The following PCCB variants were observed in gnomAD, a reference collection of about 807,000 sequenced individuals.
PCCB encodes the protein propionyl-CoA carboxylase subunit beta.
Under a neutral mutation model 60.7 loss-of-function variants are expected in PCCB, and 43 were observed. The ratio of observed to expected loss-of-function variants is 0.71; its 90% confidence interval spans 0.55 to 0.91. The LOEUF is 0.91. PCCB is among the 40% of genes least tolerant of loss of function. PCCB has a pLI of 0.00. For missense variants in PCCB, 766 were observed against 702.8 expected, an observed-to-expected ratio of 1.09 and a Z score of -1.02; for synonymous variants, 276 against 255.9, an observed-to-expected ratio of 1.08 and a Z score of -0.75.
intron 1 of PCCB, among the ~76,000 whole-genome samples, chr3:136,251,997 C>T (rs1406424765): frequency 5.9e-5 from 9 of 152,110 alleles, no homozygotes; most frequent in Non-Finnish European, 5.9e-5. Flanking sequence ...CCTGCCTCAG[C>T]CTCCCAAGTA....
intron 6 of PCCB, among the ~76,000 whole-genome samples, chr3:136,287,592 A>G (rs1933477030): frequency 6.6e-6 from 1 of 151,814 alleles, no homozygotes; most frequent in Admixed American, 6.6e-5. Flanking sequence ...GCCACCACAC[A>G]CCCGGCTAAT....
intron 10 of PCCB, among the ~76,000 whole-genome samples, chr3:136,321,275 CCACATGCA>C (rs998073392): frequency 2.6e-5 from 4 of 152,174 alleles, no homozygotes; most frequent in Non-Finnish European, 4.4e-5. Flanking sequence ...CCTTCTGCTC[CCACATGCA>C]CACATGCACA....
intron 9 of PCCB, among the ~76,000 whole-genome samples, chr3:136,309,801 C>G (rs1334463506): frequency 1.6e-5 from 2 of 128,380 alleles, no homozygotes; most frequent in African/African-American, 5.7e-5. Flanking sequence ...GACCCTGTCT[C>G]AAAAAAAAAA....
At chr3:136,260,707 TC>T (rs1416609694) in intron 4 of PCCB, among the ~76,000 whole-genome samples, 172 bp downstream of exon 4, 2 of 152,188 alleles carry the variant, frequency 1.3e-5, no homozygotes, top group African/African-American at 2.4e-5. Context: ...ATGGATCTCT[TC>T]CATGGGCTGG....
At chr3:136,324,349 T>C (rs1445709995) in intron 10 of PCCB, among the ~76,000 whole-genome samples, 1 of 152,220 alleles carries the variant, frequency 6.6e-6, no homozygotes, top group Non-Finnish European at 1.5e-5. Flanking sequence ...TGTCTCTGTG[T>C]TGGGGCTCTC....
At chr3:136,274,016 A>C (rs923487159) in intron 5 of PCCB, among the ~76,000 whole-genome samples, 2 of 151,108 alleles carry the variant, frequency 1.3e-5, no homozygotes. Context: ...GGTTATATGA[A>C]TCCTTATGTG....
At chr3:136,316,856 G>T in intron 9 of PCCB, 85 bp from the exon 10 acceptor site, 1 of 1,491,346 alleles carries the variant, frequency 6.7e-7, no homozygotes, top group Non-Finnish European at 9.4e-7. Flanking sequence ...CTGTAATTCT[G>T]TAATAGAAAT....
intron 5 of PCCB, among the ~76,000 whole-genome samples, chr3:136,274,667 T>C (rs1273214602): frequency 6.6e-6 from 1 of 152,212 alleles, no homozygotes; most frequent in Non-Finnish European, 1.5e-5. Context: ...GATATTGAAA[T>C]CTCAGGCAAG....
intron 2 of PCCB, 69 bp from the exon 3 acceptor site, chr3:136,256,486 C>A: frequency 9.1e-7 from 1 of 1,094,850 alleles, no homozygotes; most frequent in Non-Finnish European, 1.4e-6. Flanking sequence ...TTCATTGAGG[C>A]ATAGTGGCCA....
At position 136,329,929 on chromosome 3, in the gene PCCB, C is replaced by CT; in HGVS notation, c.1525dup (p.Ser509PhefsTer10). 1 of 1,614,180 alleles carries CT rather than the reference C, an allele frequency of 6.2e-7. No homozygotes were observed. The highest frequency in any genetic ancestry group is 8.5e-7 in the Non-Finnish European group (1 of 1,180,022). On this transcript the variant is annotated frameshift_variant, in exon 15 of 15. Coordinates refer to ENST00000251654, the MANE Select transcript of PCCB (RefSeq NM_000532.5). LOFTEE classifies it high-confidence loss of function. ...GGGTTTGTGGATGACATCATCCAAC[C>CT]TTCTTCCACACGTGCCCGAATCTGC...
chr3:136,258,981 T>C (rs1450238123), intron 3 of PCCB, among the ~76,000 whole-genome samples: 3 of 152,076 alleles, frequency 2.0e-5, no homozygotes, highest in Admixed American at 1.3e-4. Flanking sequence ...TGTTTAATCC[T>C]TCCTATGCTA....
intron 10 of PCCB, among the ~76,000 whole-genome samples, chr3:136,318,623 G>A (rs531464567): frequency 2.6e-5 from 4 of 152,054 alleles, no homozygotes; most frequent in Non-Finnish European, 5.9e-5. Flanking sequence ...GCCTATTTTA[G>A]ATATTTCATA....
chr3:136,299,686 A>G (rs1424101427), intron 8 of PCCB, among the ~76,000 whole-genome samples: 1 of 137,850 alleles, frequency 7.3e-6, no homozygotes, highest in East Asian at 2.3e-4. Context: ...GTATGTATGT[A>G]TATGCATGTG....
chr3:136,268,769 A>G (rs1942107488), intron 5 of PCCB, among the ~76,000 whole-genome samples: 1 of 152,044 alleles, frequency 6.6e-6, no homozygotes, highest in African/African-American at 2.4e-5. Context: ...CAGCCCGATC[A>G]GCTCTTAACT....
At chr3:136,316,790 G>T in intron 9 of PCCB, 151 bp from the exon 10 acceptor site, 1 of 860,026 alleles carries the variant, frequency 1.2e-6, no homozygotes, top group Non-Finnish European at 1.9e-6. Flanking sequence ...GCCTCTGCCT[G>T]TTGTCCTGCT....
At chr3:136,287,030 CG>C (rs1933445149) in intron 6 of PCCB, among the ~76,000 whole-genome samples, 1 of 143,570 alleles carries the variant, frequency 7.0e-6, no homozygotes, top group Non-Finnish European at 1.5e-5. Flanking sequence ...GACTCTGTCT[CG>C]GAAAAAAAAA....
Position 136,256,606 on chromosome 3 carries a change from G to C in PCCB, c.355G>C (p.Val119Leu), listed in dbSNP as rs780638923. The change falls in exon 3 of 15, where the codon GTT (valine) becomes CTT (leucine). Residue 119 changes from valine (V) to leucine (L), a missense_variant. Physicochemically the swap from Val to Leu is conservative, Grantham distance 32. Coordinates refer to ENST00000251654, the MANE Select transcript of PCCB (RefSeq NM_000532.5). Reference sequence around the variant, plus strand: ...ACGAGGCCGAATCAATGGAAGATTGGTTTATGTCTTCAGTCAGGTATTTCA... The same window carrying C: ...ACGAGGCCGAATCAATGGAAGATTGCTTTATGTCTTCAGTCAGGTATTTCA... ...TGRGRINGRL[V>L]YVFSQDFTVF... 3 of 1,611,474 alleles carry C rather than the reference G, an allele frequency of 1.9e-6. No homozygotes were observed. Among genetic ancestry groups the C allele is most frequent in the Middle Eastern group, 1.7e-4 (1 of 6,056 alleles).
chr3:136,311,136 G>A (rs1046515767), intron 9 of PCCB, among the ~76,000 whole-genome samples: 3 of 152,102 alleles, frequency 2.0e-5, no homozygotes, highest in Non-Finnish European at 4.4e-5. Flanking sequence ...AAGCTGTAAC[G>A]TAGGTGATAT....
At chr3:136,276,153 A>C (rs1942325417) in intron 5 of PCCB, among the ~76,000 whole-genome samples, 1 of 152,196 alleles carries the variant, frequency 6.6e-6, no homozygotes, top group Non-Finnish European at 1.5e-5. Context: ...CTTGAAGCTC[A>C]TCTCATTCCC....
Sources: gnomAD v4.1 joint callset for allele counts (sites outside exome capture counted in the v4.1 genomes callset) on GRCh38, gnomAD v4.1.1 for gene constraint, MANE v1.5 for transcripts, NCBI Gene and HGNC (gene_info 2026-07-23, HGNC 2026-07-21) for gene names.